The following ST6GAL2 variants were observed in gnomAD, a reference collection of about 807,000 sequenced individuals.
ST6GAL2 encodes ST6 beta-galactoside alpha-2,6-sialyltransferase 2.
Under a neutral mutation model 37.5 loss-of-function variants are expected in ST6GAL2, and 24 were observed. The observed-to-expected ratio is 0.64, with a 90% CI of 0.46 to 0.90. The LOEUF (loss-of-function observed/expected upper bound fraction) is 0.90. Ranked by LOEUF, ST6GAL2 falls within the 40% of genes least tolerant of loss-of-function variation. The probability of loss-of-function intolerance (pLI) is 0.00; values close to 1 mark genes in which losing one functional copy is unlikely to be tolerated. For synonymous variants in ST6GAL2, 306 were observed against 295.1 expected (o/e 1.04, Z -0.38); for missense variants, 715 against 712.7 (o/e 1.00, Z -0.04).
At chr2:106,832,515 C>A in intron 4 of ST6GAL2, 50 bp downstream of exon 4, 1 of 964,416 alleles carries the variant, frequency 1.0e-6, no homozygotes, top group South Asian at 1.5e-5. Context: ...ATTAATTAGT[C>A]AAAGCCATTG....
chr2:106,879,832 T>A (rs1351106316), intron 1 of ST6GAL2, among the ~76,000 whole-genome samples: 1 of 147,766 alleles, frequency 6.8e-6, no homozygotes, highest in Non-Finnish European at 1.5e-5. Flanking sequence ...TATAGATAAT[T>A]AATCTATATA....
Position 106,804,905 on chromosome 2 carries a change from T to C in ST6GAL2, c.*1773A>G, listed in dbSNP as rs1675370154. On this transcript the variant is annotated 3_prime_UTR_variant, in exon 6 of 6. Transcript: ENST00000409382. ...AGGAACATGGCTTAACCATGTCTAT[T>C]TAGACATAAGTTAATATATAGGACA... is the stretch of plus-strand genomic sequence containing the variant. 6.6e-6 allele frequency: 1 copy of C among 151,684 alleles called. No homozygotes were observed. Among genetic ancestry groups the C allele is most frequent in the African/African-American group, 2.4e-5 (1 of 41,306 alleles). The allele number at this position is 151,684 out of a possible 1,614,324, so 9.4% of individuals were successfully genotyped here.
At chr2:106,853,318 C>T (rs1677449111) in intron 1 of ST6GAL2, among the ~76,000 whole-genome samples, 1 of 152,216 alleles carries the variant, frequency 6.6e-6, no homozygotes, top group African/African-American at 2.4e-5. Context: ...TTTGCCTAGG[C>T]AGAATGGGCT....
intron 1 of ST6GAL2, among the ~76,000 whole-genome samples, chr2:106,857,881 C>A (rs951452670): frequency 3.3e-5 from 5 of 152,280 alleles, no homozygotes; most frequent in Admixed American, 6.5e-5. Flanking sequence ...AACCTACACA[C>A]AGGTCAGGTG....
At chr2:106,848,455 C>G (rs1677232685) in intron 1 of ST6GAL2, among the ~76,000 whole-genome samples, 1 of 152,216 alleles carries the variant, frequency 6.6e-6, no homozygotes, top group Non-Finnish European at 1.5e-5. Context: ...TTTCTGATTT[C>G]AGCATTTGCT....
At chr2:106,840,743 A>G (rs1283962104) in intron 2 of ST6GAL2, among the ~76,000 whole-genome samples, 1 of 152,216 alleles carries the variant, frequency 6.6e-6, no homozygotes, top group South Asian at 2.1e-4. Context: ...AATTGTAAAC[A>G]GAGTTTACAA....
intron 5 of ST6GAL2, among the ~76,000 whole-genome samples, chr2:106,823,827 T>G (rs1676101987): frequency 6.6e-6 from 1 of 152,200 alleles, no homozygotes; most frequent in Admixed American, 6.5e-5. Flanking sequence ...TGGCCATCTT[T>G]CTGCTGTGTC....
At chr2:106,845,390 G>C (rs1212761074) in intron 1 of ST6GAL2, among the ~76,000 whole-genome samples, 1 of 152,176 alleles carries the variant, frequency 6.6e-6, no homozygotes, top group Non-Finnish European at 1.5e-5. Flanking sequence ...TGGCAAGTAA[G>C]GTAGAGAAGA....
At chr2:106,858,982 G>A (rs1677693570) in intron 1 of ST6GAL2, among the ~76,000 whole-genome samples, 1 of 152,130 alleles carries the variant, frequency 6.6e-6, no homozygotes, top group Non-Finnish European at 1.5e-5. Flanking sequence ...GTGGGGGCAG[G>A]CAGCAGATGG....
chr2:106,827,360 C>T, intron 5 of ST6GAL2, among the ~76,000 whole-genome samples: 1 of 152,178 alleles, frequency 6.6e-6, no homozygotes, highest in Non-Finnish European at 1.5e-5. Context: ...AAGACTACTG[C>T]AGTCTCGTGA....
intron 5 of ST6GAL2, among the ~76,000 whole-genome samples, chr2:106,812,843 T>TC (rs1675660439): frequency 6.6e-6 from 1 of 152,336 alleles, no homozygotes; most frequent in East Asian, 1.9e-4. Flanking sequence ...AGAATACAAA[T>TC]CATCTAATAA....
At chr2:106,811,790 C>T (rs898783893) in intron 5 of ST6GAL2, among the ~76,000 whole-genome samples, 1 of 152,106 alleles carries the variant, frequency 6.6e-6, no homozygotes, top group Non-Finnish European at 1.5e-5. Context: ...CAACACACCC[C>T]TAGGTTCAAT....
At chr2:106,824,323 A>T (rs557259362) in intron 5 of ST6GAL2, among the ~76,000 whole-genome samples, 1 of 152,352 alleles carries the variant, frequency 6.6e-6, no homozygotes, top group South Asian at 2.1e-4. Context: ...TTGTATTTGT[A>T]GTTAAAACAT....
Position 106,830,098 on chromosome 2 carries a change from A to G in ST6GAL2, c.1286T>C (p.Ile429Thr). 6.2e-7 allele frequency: 1 copy of G among 1,614,072 alleles called. No homozygotes were observed. The highest frequency in any genetic ancestry group is 8.5e-7 in the Non-Finnish European group (1 of 1,180,012). ...DIIQENTKEKIQPNPPSSGFI... is the reference protein window; with the variant it reads ...DIIQENTKEKTQPNPPSSGFI... ...ACCAGAAGATGGTGGGTTTGGTTGA[A>G]TCTTCTCTTTAGTGTTCTCCTGGAT... The change falls in exon 5 of 6, where the codon ATT (isoleucine) becomes ACT (threonine). Residue 429 changes from isoleucine to threonine, a missense_variant. By Grantham distance (89) the Ile-to-Thr change is moderately conservative. This residue lies in a region of ST6GAL2 where 198 missense variants were observed against 203.6 expected (regional missense o/e 0.97). Coordinates refer to ENST00000409382, the MANE Select transcript of ST6GAL2 (RefSeq NM_001142351.2).
chr2:106,811,977 C>T (rs566513865), intron 5 of ST6GAL2, among the ~76,000 whole-genome samples: 5 of 152,226 alleles, frequency 3.3e-5, no homozygotes, highest in Admixed American at 6.5e-5. Flanking sequence ...ACTGAATTCC[C>T]CCAGCAATGA....
intron 3 of ST6GAL2, among the ~76,000 whole-genome samples, chr2:106,833,627 C>G (rs1676514805): frequency 6.6e-6 from 1 of 152,010 alleles, no homozygotes; most frequent in South Asian, 2.1e-4. Flanking sequence ...TCCATTTTTT[C>G]AAATTTCCAA....
chr2:106,875,886 C>G (rs1678482971), intron 1 of ST6GAL2, among the ~76,000 whole-genome samples: 1 of 152,224 alleles, frequency 6.6e-6, no homozygotes, highest in Non-Finnish European at 1.5e-5. Flanking sequence ...TCAATGTCCA[C>G]TTGCAATATT....
intron 1 of ST6GAL2, among the ~76,000 whole-genome samples, chr2:106,848,607 C>G (rs372009037): frequency 1.2e-4 from 18 of 152,274 alleles, no homozygotes; most frequent in African/African-American, 4.3e-4. Context: ...AGAGCCAGTG[C>G]CCCCCCACAC....
chr2:106,865,640 C>G (rs1677995230), intron 1 of ST6GAL2, among the ~76,000 whole-genome samples: 1 of 152,146 alleles, frequency 6.6e-6, no homozygotes, highest in Non-Finnish European at 1.5e-5. Context: ...TACCTTAGGT[C>G]CATCCTCGTT....
Sources: gnomAD v4.1 joint callset for allele counts (sites outside exome capture counted in the v4.1 genomes callset) on GRCh38, gnomAD v4.1.1 for gene constraint, gnomAD v4.1.1 regional missense constraint, MANE v1.5 for transcripts, NCBI Gene and HGNC (gene_info 2026-07-23, HGNC 2026-07-21) for gene names.